CAPS2: variants seen among roughly 807,000 people sequenced by gnomAD.
CAPS2 encodes the protein calcyphosin-2.
In CAPS2, 98 loss-of-function variants were observed where a neutral mutation model predicts 86.5. That is an observed-to-expected ratio of 1.13 (90% confidence interval 0.96 to 1.34). CAPS2 has a LOEUF of 1.34. Among genes scored for constraint, CAPS2 ranks in the 40% most tolerant of loss-of-function variants. CAPS2 has a pLI of 0.00. For missense variants in CAPS2, 729 were observed against 686.8 expected (o/e 1.06, Z -0.69); for synonymous variants, 210 against 225.1 (o/e 0.93, Z 0.60).
At chr12:75,364,676 T>C (rs1449171933) in intron 1 of CAPS2, 1 of 152,232 alleles carries the variant, frequency 6.6e-6, no homozygotes, top group South Asian at 2.1e-4. Context: ...ATCTTGGTTT[T>C]AGTTACAGAC....
At chr12:75,344,263 A>G (rs2042305164) in intron 1 of CAPS2, among the ~76,000 whole-genome samples, 1 of 152,128 alleles carries the variant, frequency 6.6e-6, no homozygotes, top group South Asian at 2.1e-4. Flanking sequence ...CAAGTTACTC[A>G]TGTAGAAAGC....
At chr12:75,388,752 C>A (rs1036410582) in intron 1 of CAPS2, among the ~76,000 whole-genome samples, 3 of 152,094 alleles carry the variant, frequency 2.0e-5, no homozygotes, top group African/African-American at 7.2e-5. Flanking sequence ...ATGAAATGTG[C>A]AACACCAAGA....
intron 11 of CAPS2, among the ~76,000 whole-genome samples, chr12:75,296,259 T>C (rs986461972): frequency 9.2e-5 from 14 of 152,132 alleles, no homozygotes; most frequent in Non-Finnish European, 2.1e-4. Context: ...TGTCAGTGCA[T>C]ATATGCGTGC....
chr12:75,322,171 A>C (rs2139011339), intron 4 of CAPS2, among the ~76,000 whole-genome samples: 1 of 152,310 alleles, frequency 6.6e-6, no homozygotes, highest in Non-Finnish European at 1.5e-5. Flanking sequence ...GTACGTGCTT[A>C]CAGAAACCTT....
At chr12:75,311,200 G>A (rs887163042) in intron 7 of CAPS2, among the ~76,000 whole-genome samples, 4 of 152,170 alleles carry the variant, frequency 2.6e-5, no homozygotes, top group Non-Finnish European at 5.9e-5. Context: ...GGCAAATGCA[G>A]AAACAATGAG....
At chr12:75,382,121 T>C (rs1028730825) in intron 1 of CAPS2, among the ~76,000 whole-genome samples, 12 of 151,844 alleles carry the variant, frequency 7.9e-5, no homozygotes, top group Non-Finnish European at 1.3e-4. Flanking sequence ...ATTTGAATTA[T>C]AGAAAAGATC....
At chr12:75,278,152 T>TA in exon 17 of CAPS2, 16 of 948,372 alleles carry the variant, frequency 1.7e-5, no homozygotes, top group Non-Finnish European at 2.0e-5. Context: ...CGTATGCTGG[T>TA]AAAAAGGATT....
chr12:75,336,308 T>C (rs147895674), intron 1 of CAPS2, among the ~76,000 whole-genome samples: 1 of 151,818 alleles, frequency 6.6e-6, no homozygotes, highest in Non-Finnish European at 1.5e-5. Flanking sequence ...GAGGGAATCA[T>C]TTAAAAATAG....
intron 1 of CAPS2, chr12:75,371,045 A>G (rs953751281): frequency 1.3e-5 from 2 of 152,376 alleles, no homozygotes; most frequent in Middle Eastern, 3.4e-3. Flanking sequence ...ATATGCATGT[A>G]TAAATGAGAA....
chr12:75,345,331 C>A (rs1300603979), intron 1 of CAPS2, among the ~76,000 whole-genome samples: 1 of 151,990 alleles, frequency 6.6e-6, no homozygotes, highest in African/African-American at 2.4e-5. Flanking sequence ...ACCATTACTT[C>A]CTATAATTTT....
intron 1 of CAPS2, among the ~76,000 whole-genome samples, chr12:75,358,891 T>C (rs113212906): frequency 7.0e-6 from 1 of 143,832 alleles, no homozygotes; most frequent in Non-Finnish European, 1.5e-5. Flanking sequence ...TTATATATAT[T>C]ACATATAATT....
intron 1 of CAPS2, chr12:75,390,235 G>A (rs180794502): frequency 4.7e-6 from 2 of 425,912 alleles, no homozygotes; most frequent in Admixed American, 5.6e-5. Context: ...GAAAATGTTT[G>A]GAGGTAAACA....
chr12:75,279,515 C>G lies in CAPS2; in HGVS notation c.1613-450G>C, dbSNP rs369478911. On this transcript the variant is annotated intron_variant, in intron 16 of 16. Coordinates refer to ENST00000393284, the Ensembl canonical transcript of CAPS2. Reference sequence around the variant, plus strand: ...AACAGGCTTAGATGGGAATACTACTCAAACCATTTGTCTAATGGGGTGGAC... The same window carrying G: ...AACAGGCTTAGATGGGAATACTACTGAAACCATTTGTCTAATGGGGTGGAC... Among the ~76,000 whole-genome samples the G allele has an allele frequency of 1.2e-4, 18 of 152,106 alleles. No homozygotes were observed. The East Asian group carries it at 2.5e-3, about 21-fold the overall frequency.
At chr12:75,304,898 C>G (rs747937077) in intron 7 of CAPS2, 22 bp from the exon 8 acceptor site, 1 of 1,600,658 alleles carries the variant, frequency 6.2e-7, no homozygotes, top group East Asian at 2.3e-5. Flanking sequence ...AATAAAAAGT[C>G]CAACAATTAA....
upstream of CAPS2, among the ~76,000 whole-genome samples, chr12:75,332,800 C>A (rs980434470): frequency 1.3e-5 from 2 of 151,816 alleles, no homozygotes; most frequent in Admixed American, 1.3e-4. Flanking sequence ...ATAGAGAAGG[C>A]AGATGTTAAA....
chr12:75,295,683 C>T (rs147146999), intron 11 of CAPS2, among the ~76,000 whole-genome samples: 225 of 152,114 alleles, frequency 1.5e-3, no homozygotes, highest in African/African-American at 5.1e-3. Flanking sequence ...AAGTCCTTAC[C>T]TTCAAGGGTA....
chr12:75,325,306 A>C lies in CAPS2; in HGVS notation c.82-18T>G. On this transcript the variant is annotated intron_variant, in intron 1 of 16. Coordinates refer to ENST00000393284, the Ensembl canonical transcript of CAPS2. ...CACCTTTGCTTTAATTAAAAAAAAA[A>C]CTTTTTGAATCAGTATAAATATGAA... The C allele has an allele frequency of 1.3e-6, 2 of 1,516,106 alleles. No homozygotes were observed. Among genetic ancestry groups the C allele is most frequent in the Non-Finnish European group, 1.8e-6 (2 of 1,120,832 alleles). 93.9% of individuals were successfully genotyped at this position (1,516,106 alleles called of 1,614,324 possible).
upstream of CAPS2, chr12:75,334,686 G>C (rs1206147060): frequency 3.1e-6 from 5 of 1,588,388 alleles, no homozygotes; most frequent in Non-Finnish European, 4.3e-6. Context: ...GCCGTTACTG[G>C]TCCGCGCAGT....
intron 1 of CAPS2, chr12:75,343,730 G>A (rs79530186): frequency 6.2e-7 from 1 of 1,612,166 alleles, no homozygotes; most frequent in Non-Finnish European, 8.5e-7. Context: ...GCTAAAGCAT[G>A]GGCAAACCAG....
Sources: gnomAD v4.1 joint callset for allele counts (sites outside exome capture counted in the v4.1 genomes callset) on GRCh38, gnomAD v4.1.1 for gene constraint, MANE v1.5 for transcripts, NCBI Gene and HGNC (gene_info 2026-07-23, HGNC 2026-07-21) for gene names.